The following KCNMA1 variants were observed in gnomAD, a reference collection of about 807,000 sequenced individuals.
KCNMA1 encodes Calcium-activated potassium channel subunit alpha-1.
KCNMA1 carries 29 observed loss-of-function variants against 140.0 expected under a neutral mutation model. The observed-to-expected ratio is 0.21, with a 90% CI of 0.15 to 0.28. KCNMA1 has a LOEUF of 0.28. KCNMA1 is among the 10% of genes least tolerant of loss of function. The pLI is 1.00. For synonymous variants in KCNMA1, 612 were observed against 611.9 expected (o/e 1.00, Z 0.00); for missense variants, 880 against 1,602.2 (o/e 0.55, Z 7.70).
rs78097651 is a variant in KCNMA1, at chr10:77,253,566, G to A, written c.541-2310C>T. Among the ~76,000 whole-genome samples, 1,223 of 152,320 alleles carry A rather than the reference G, an allele frequency of 8.0e-3. 19 individuals are homozygous for A. Among genetic ancestry groups the A allele is most frequent in the African/African-American group, 0.028 (1,156 of 41,574 alleles). ...TAAGCAAATCAGCCAGTGACAGGAG[G>A]AGGCCAGGAATCCTGCTACCCTCTG... On this transcript the variant is annotated intron_variant, in intron 2 of 27. Coordinates refer to ENST00000286628, the MANE Select transcript of KCNMA1 (RefSeq NM_001161352.2).
At chr10:76,956,169 T>G (rs181034386) in intron 20 of KCNMA1, among the ~76,000 whole-genome samples, 77 of 152,294 alleles carry the variant, frequency 5.1e-4, no homozygotes, top group Non-Finnish European at 8.8e-4. Flanking sequence ...AGTCAGACGT[T>G]GTTAACAGTG....
intron 2 of KCNMA1, among the ~76,000 whole-genome samples, chr10:77,316,205 TCAA>T (rs755856017): frequency 5.0e-4 from 76 of 152,224 alleles, no homozygotes; most frequent in Middle Eastern, 6.8e-3. Context: ...AACAGAAGGT[TCAA>T]CAACACCAAT....
intron 5 of KCNMA1, among the ~76,000 whole-genome samples, chr10:77,178,131 C>A (rs1237683641): frequency 6.6e-6 from 1 of 152,114 alleles, no homozygotes; most frequent in African/African-American, 2.4e-5. Flanking sequence ...AGGTCTAAGG[C>A]CAGTTCTGAT....
At chr10:77,307,544 A>G (rs1237933388) in intron 2 of KCNMA1, among the ~76,000 whole-genome samples, 1 of 152,174 alleles carries the variant, frequency 6.6e-6, no homozygotes, top group Non-Finnish European at 1.5e-5. Context: ...GTTTAAGGCT[A>G]GGCTAAGCCA....
intron 2 of KCNMA1, among the ~76,000 whole-genome samples, chr10:77,304,124 T>G (rs2077137618): frequency 6.6e-6 from 1 of 152,120 alleles, no homozygotes; most frequent in Non-Finnish European, 1.5e-5. Context: ...GCTACCTGAT[T>G]TCCTGCACAT....
At chr10:77,386,157 G>A (rs2095596030) in intron 2 of KCNMA1, among the ~76,000 whole-genome samples, 1 of 152,174 alleles carries the variant, frequency 6.6e-6, no homozygotes, top group Non-Finnish European at 1.5e-5. Context: ...AAGGAAACAT[G>A]GGGTCATCTT....
chr10:77,271,773 C>T (rs2065211712), intron 2 of KCNMA1, among the ~76,000 whole-genome samples: 1 of 152,056 alleles, frequency 6.6e-6, no homozygotes, highest in South Asian at 2.1e-4. Flanking sequence ...TTCTGGCTGC[C>T]AAAATTATAC....
chr10:77,059,405 C>T lies in KCNMA1; in HGVS notation c.1749+13692G>A, dbSNP rs545497869. Among the ~76,000 whole-genome samples, 6 of 152,038 alleles carry T rather than the reference C, an allele frequency of 3.9e-5. No homozygotes were observed. The East Asian group carries it at 7.7e-4, about 20-fold the overall frequency. ...CTAAAATCAAAGACAGTCTAAGAAACGTACAAACTAATATACACCAAAAAA... is the reference window on the plus strand; with the variant it reads ...CTAAAATCAAAGACAGTCTAAGAAATGTACAAACTAATATACACCAAAAAA... On this transcript the variant is annotated intron_variant, in intron 14 of 27. Transcript: ENST00000286628.
intron 10 of KCNMA1, among the ~76,000 whole-genome samples, chr10:77,088,947 T>G (rs2096755106): frequency 6.6e-6 from 1 of 152,216 alleles, no homozygotes; most frequent in Non-Finnish European, 1.5e-5. Flanking sequence ...TGATGTTGTC[T>G]CTAATGGTTG....
chr10:77,305,145 A>G (rs374924409), intron 2 of KCNMA1, among the ~76,000 whole-genome samples: 9 of 152,120 alleles, frequency 5.9e-5, no homozygotes, highest in Non-Finnish European at 1.2e-4. Flanking sequence ...TATTTCACCA[A>G]TGAAGAATTT....
At chr10:77,147,626 G>T (rs533411700) in intron 5 of KCNMA1, 1 of 152,098 alleles carries the variant, frequency 6.6e-6, no homozygotes, top group Non-Finnish European at 1.5e-5. Context: ...ATCTAACCTC[G>T]TCCAATCTCC....
chr10:77,486,920 G>A (rs376641674), intron 1 of KCNMA1, among the ~76,000 whole-genome samples: 2 of 152,214 alleles, frequency 1.3e-5, no homozygotes, highest in African/African-American at 4.8e-5. Flanking sequence ...TCTGCAGAAA[G>A]GGTATGTCAC....
At chr10:77,053,113 G>C (rs934786625) in intron 14 of KCNMA1, among the ~76,000 whole-genome samples, 1 of 152,140 alleles carries the variant, frequency 6.6e-6, no homozygotes, top group Admixed American at 6.5e-5. Flanking sequence ...GTATAAGATG[G>C]AAAGAGGGAG....
intron 2 of KCNMA1, among the ~76,000 whole-genome samples, chr10:77,285,160 T>G (rs866915079): frequency 3.3e-5 from 5 of 152,200 alleles, no homozygotes; most frequent in South Asian, 4.1e-4. Flanking sequence ...AAGAAAGAAA[T>G]AAATGCATTC....
intron 1 of KCNMA1, among the ~76,000 whole-genome samples, chr10:77,563,219 C>T (rs986466822): frequency 6.6e-6 from 1 of 152,140 alleles, no homozygotes; most frequent in Admixed American, 6.5e-5. Flanking sequence ...AGAGGCAGCA[C>T]CTCTGCAGTA....
In KCNMA1 at chr10:77,637,592, G is replaced by T; in HGVS notation, c.51C>A (p.Gly17=). Residue 17 remains glycine (G), a synonymous_variant, in exon 1 of 28, where the codon GGC becomes GGA. Transcript: ENST00000286628. Reference sequence around the variant, plus strand: ...TCATTCTAAGACTGCTGCCTCCGCCGCCGCCGCCGCCGCCGCTGCTGCCGC... The same window carrying T: ...TCATTCTAAGACTGCTGCCTCCGCCTCCGCCGCCGCCGCCGCTGCTGCCGC... ...GGGGSSGGGG[G]GGGSSLRMSS... 1.3e-6 allele frequency: 2 copies of T among 1,523,072 alleles called. No homozygotes were observed. Among genetic ancestry groups the T allele is most frequent in the African/African-American group, 1.4e-5 (1 of 72,190 alleles). 94.3% of individuals were successfully genotyped at this position (1,523,072 alleles called of 1,614,324 possible).
At chr10:77,472,351 C>T (rs906731265) in intron 1 of KCNMA1, among the ~76,000 whole-genome samples, 2 of 151,284 alleles carry the variant, frequency 1.3e-5, no homozygotes, top group Non-Finnish European at 2.9e-5. Context: ...TATACACATA[C>T]ACACACCACA....
chr10:77,475,869 G>A (rs920431982), intron 1 of KCNMA1, among the ~76,000 whole-genome samples: 11 of 152,184 alleles, frequency 7.2e-5, no homozygotes, highest in South Asian at 2.1e-4. Context: ...AGATCTCCTT[G>A]CTCAGGGTCT....
chr10:76,949,585 G>T (rs2065471691), intron 21 of KCNMA1: 1 of 592,674 alleles, frequency 1.7e-6, no homozygotes, highest in East Asian at 2.9e-5. Flanking sequence ...CTGTCCAAAT[G>T]TATAGCCATA....
Sources: gnomAD v4.1 joint callset for allele counts (sites outside exome capture counted in the v4.1 genomes callset) on GRCh38, gnomAD v4.1.1 for gene constraint, MANE v1.5 for transcripts, NCBI Gene and HGNC (gene_info 2026-07-23, HGNC 2026-07-21) for gene names.